Variants in ELN observed in about 807,000 individuals in gnomAD.
ELN encodes elastin.
ELN carries 65 observed loss-of-function variants against 105.8 expected under a neutral mutation model. That is an observed-to-expected ratio of 0.61 (90% CI 0.50 to 0.75). The LOEUF is 0.75. Among genes scored for constraint, ELN ranks in the 30% least tolerant of loss-of-function variants. The pLI, the probability that ELN is intolerant of heterozygous loss-of-function variation, is 0.00. For missense variants in ELN, 882 were observed against 969.4 expected (o/e 0.91, Z 1.20); for synonymous variants, 368 against 389.2 (o/e 0.95, Z 0.64).
In ELN at chr7:74,063,766, G is replaced by C; in HGVS notation, c.1993+71G>C. 6.2e-7 allele frequency: 1 copy of C among 1,604,366 alleles called. No individual in the cohort carries two copies. Among genetic ancestry groups the C allele is most frequent in the Non-Finnish European group, 8.5e-7 (1 of 1,171,506 alleles). ...CGAGACAGAGATGGAGACAGAGACA[G>C]AGACAGAGACTTTCGTTCCCACCCC... On this transcript the variant is annotated intron_variant, in intron 29 of 32. Transcript: ENST00000252034. The surrounding 1 kb of genome is among the most constrained non-coding windows in gnomAD (Gnocchi z 4.1).
intron 22 of ELN, among the ~76,000 whole-genome samples, chr7:74,058,599 T>C (rs1167959236): frequency 6.6e-6 from 1 of 152,180 alleles, no homozygotes; most frequent in African/African-American, 2.4e-5. Flanking sequence ...AAAGCGATCC[T>C]CCTGCCTCTG....
chr7:74,028,802 G>T (rs7784595), intron 1 of ELN, among the ~76,000 whole-genome samples: 19,155 of 152,228 alleles, frequency 0.13, 1,786 homozygotes, highest in African/African-American at 0.25. Flanking sequence ...TGGGTTTGCA[G>T]GTTGGGAAGC....
intron 1 of ELN, among the ~76,000 whole-genome samples, chr7:74,035,157 C>T (rs1789604977): frequency 6.6e-6 from 1 of 152,140 alleles, no homozygotes; most frequent in Non-Finnish European, 1.5e-5. Flanking sequence ...CTTCACAGGC[C>T]GATTTCAAAG....
chr7:74,041,131 C>T (rs901004017), intron 4 of ELN, 85 bp from the exon 5 acceptor site: 3 of 1,587,286 alleles, frequency 1.9e-6, no homozygotes, highest in Non-Finnish European at 8.6e-7. Context: ...TGGCTGATCA[C>T]AGCACTGCCC....
intron 5 of ELN, among the ~76,000 whole-genome samples, chr7:74,041,491 A>G (rs1035904729): frequency 6.6e-6 from 1 of 152,176 alleles, no homozygotes; most frequent in Non-Finnish European, 1.5e-5. Flanking sequence ...AGGAAGCCCC[A>G]TGGACCAAGG....
intron 22 of ELN, 124 bp downstream of exon 22, chr7:74,057,820 T>C (rs1795644387): frequency 8.8e-7 from 1 of 1,132,268 alleles, no homozygotes; most frequent in Admixed American, 1.9e-5. Flanking sequence ...CATTCTGGGG[T>C]GGGCCCTCCT....
intron 3 of ELN, 62 bp downstream of exon 3, chr7:74,036,646 G>A: frequency 6.2e-7 from 1 of 1,611,098 alleles, no homozygotes; most frequent in Non-Finnish European, 8.5e-7. Flanking sequence ...CGAGCCACAT[G>A]CATCCTCAGA....
intron 9 of ELN, 71 bp from the exon 10 acceptor site, chr7:74,045,151 A>T: frequency 1.9e-6 from 3 of 1,580,970 alleles, no homozygotes; most frequent in Non-Finnish European, 2.6e-6. Context: ...GGGGGACCCG[A>T]GGAGGGGAGG....
intron 1 of ELN, among the ~76,000 whole-genome samples, chr7:74,035,127 A>G (rs1162889234): frequency 2.0e-5 from 3 of 152,236 alleles, no homozygotes; most frequent in East Asian, 3.8e-4. Flanking sequence ...AAATGATGAT[A>G]GTAAGCCCTG....
rs1304960435 is a variant in ELN, at chr7:74,059,797, C to T, written c.1415-89C>T. On this transcript the variant is annotated intron_variant, in intron 22 of 32. Coordinates refer to ENST00000252034, the MANE Select transcript of ELN (RefSeq NM_000501.4). Reference sequence around the variant, plus strand: ...TCCAGGGTCACACAGCAAATCTATGCCAGGGCCGAGGCTCCAGCCCTCTTT... The same window carrying T: ...TCCAGGGTCACACAGCAAATCTATGTCAGGGCCGAGGCTCCAGCCCTCTTT... The T allele has an allele frequency of 5.0e-6, 4 of 806,348 alleles. No individual in the cohort carries two copies. In the Admixed American group the frequency reaches 6.8e-5, roughly 14 times the overall value. 49.9% of individuals were successfully genotyped at this position (806,348 alleles called of 1,614,324 possible). A position where few individuals can be genotyped will look rare whatever the true frequency, so the allele number is the denominator to read the frequency against.
At chr7:74,049,603 T>TTCCA (rs1793432349) in intron 15 of ELN, among the ~76,000 whole-genome samples, 1 of 140,510 alleles carries the variant, frequency 7.1e-6, no homozygotes, top group Non-Finnish European at 1.6e-5. Context: ...GCATCCATCC[T>TTCCA]TCCATCCATC....
chr7:74,065,068 C>A (rs1208075357), intron 29 of ELN, among the ~76,000 whole-genome samples: 1 of 151,240 alleles, frequency 6.6e-6, no homozygotes, highest in Non-Finnish European at 1.5e-5. Flanking sequence ...TAGCAAGACC[C>A]CCCCCCACCA....
In ELN at chr7:74,063,740, GC is replaced by G; in HGVS notation, c.1993+46del. ...CAGTGAGTGTGTGTGGTGTGTGTATGCGAGACAGAGATGGAGACAGAGACAG... is the reference window on the plus strand; with the variant it reads ...CAGTGAGTGTGTGTGGTGTGTGTATGGAGACAGAGATGGAGACAGAGACAG... On this transcript the variant is annotated intron_variant, in intron 29 of 32. Coordinates refer to ENST00000252034, the MANE Select transcript of ELN (RefSeq NM_000501.4). This position sits in a 1 kb window ranked among gnomAD's most constrained non-coding sequence, Gnocchi z 4.1. 6.2e-7 allele frequency: 1 copy of G among 1,612,400 alleles called. No individual in the cohort carries two copies. The highest frequency in any genetic ancestry group is 8.5e-7 in the Non-Finnish European group (1 of 1,178,524).
chr7:74,029,191 A>T (rs1363320170), intron 1 of ELN, among the ~76,000 whole-genome samples: 1 of 151,874 alleles, frequency 6.6e-6, no homozygotes, highest in African/African-American at 2.4e-5. Flanking sequence ...TGTGTTATGG[A>T]GTGTGTACAT....
rs1554689582 is a variant in ELN at position 74,066,748 on chromosome 7, T to C, written c.2103T>C (p.Pro701=). ...CTCCTGCAGGAGTGGCAGCAAGACC[T>C]GGCTTCGGATTGTCTCCCATTTTCC... ...QFPLGGVAAR[P]GFGLSPIFPG... The change falls in exon 32 of 33, where the codon CCT becomes CCC. Residue 701 remains proline (P), a synonymous_variant. Transcript: ENST00000252034. The C allele has an allele frequency of 6.2e-7, 1 of 1,613,672 alleles. No homozygotes were observed. The highest frequency in any genetic ancestry group is 1.7e-5 in the Admixed American group (1 of 60,002).
At chr7:74,059,592 G>A in intron 22 of ELN, 2 of 527,174 alleles carry the variant, frequency 3.8e-6, no homozygotes, top group South Asian at 2.1e-5. Flanking sequence ...GCTGAGGCAG[G>A]AGACTCACTT....
rs1554670359 is a variant in ELN, at chr7:74,043,878, G to A, written c.428-1G>A. Reference sequence around the variant, plus strand: ...GTAACTTTGCTTTCTTTTGGCCACAGGTGTGGGGCTGCCAGGTGTATACCC... The same window carrying A: ...GTAACTTTGCTTTCTTTTGGCCACAAGTGTGGGGCTGCCAGGTGTATACCC... On this transcript the variant is annotated splice_acceptor_variant, in intron 8 of 32. Coordinates refer to ENST00000252034, the MANE Select transcript of ELN (RefSeq NM_000501.4). LOFTEE classifies it high-confidence loss of function. 1.5e-5 allele frequency: 24 copies of A among 1,613,974 alleles called. No individual in the cohort carries two copies. The highest frequency in any genetic ancestry group is 1.9e-5 in the Non-Finnish European group (23 of 1,180,000).
Position 74,056,673 on chromosome 7 carries a change from C to A in ELN, c.1317C>A (p.Pro439=). 1 of 1,613,792 alleles carries A rather than the reference C, an allele frequency of 6.2e-7. No individual in the cohort carries two copies. The highest frequency in any genetic ancestry group is 8.5e-7 in the Non-Finnish European group (1 of 1,180,038). The part of the protein sequence containing the change: ...VGGVPGVGIS[P]EAQAAAAAKA... Reference sequence around the variant, plus strand: ...TCTTTCTTTCTCGTTTCCTTGTAGCCGAAGCTCAGGCAGCAGCTGCCGCCA... The same window carrying A: ...TCTTTCTTTCTCGTTTCCTTGTAGCAGAAGCTCAGGCAGCAGCTGCCGCCA... The change falls in exon 21 of 33, where the codon CCC becomes CCA. Residue 439 remains proline (P), a splice_region_variant and synonymous_variant. Transcript: ENST00000252034.
intron 22 of ELN, chr7:74,059,637 T>A (rs1408043403): frequency 5.1e-6 from 3 of 592,546 alleles, no homozygotes; most frequent in Non-Finnish European, 9.0e-6. Context: ...TGAGTCGAGA[T>A]CACGCCATTG....
Sources: allele counts gnomAD v4.1 joint callset (sites outside exome capture counted in the v4.1 genomes callset), GRCh38; gene constraint gnomAD v4.1.1; non-coding constraint Gnocchi (gnomAD v3.1); transcripts MANE v1.5; gene names NCBI Gene and HGNC (gene_info 2026-07-23, HGNC 2026-07-21).